CACNA1E: variants seen among roughly 807,000 people sequenced by gnomAD.
The protein encoded by CACNA1E is calcium voltage-gated channel subunit alpha1 E, also known as voltage-dependent R-type calcium channel subunit alpha-1E.
In CACNA1E, 40 loss-of-function variants were observed where a neutral mutation model predicts 259.2. That is an observed-to-expected ratio of 0.15 (90% CI 0.12 to 0.20). CACNA1E has a LOEUF of 0.20. Ranked by LOEUF, CACNA1E falls within the 10% of genes least tolerant of loss-of-function variation. The pLI, the probability that CACNA1E is intolerant of heterozygous loss-of-function variation, is 1.00. For missense variants in CACNA1E, 1,874 were observed against 3,040.1 expected (o/e 0.62, Z 9.02); for synonymous variants, 1,104 against 1,138.5 (o/e 0.97, Z 0.61).
chr1:181,487,873 C>T (rs918735714), intron 1 of CACNA1E, among the ~76,000 whole-genome samples: 27 of 152,200 alleles, frequency 1.8e-4, no homozygotes, highest in South Asian at 2.1e-4. Flanking sequence ...ATATTCCCCC[C>T]ACACCTCCAT....
intron 1 of CACNA1E, among the ~76,000 whole-genome samples, chr1:181,319,009 C>CT: frequency 6.6e-6 from 1 of 152,324 alleles, no homozygotes; most frequent in Admixed American, 6.5e-5. Flanking sequence ...ATGGGAGACA[C>CT]TAACCCACCG....
rs756993182 is a variant in CACNA1E at position 181,794,918 on chromosome 1, C to T, written c.6082C>T (p.Arg2028Cys). 4 of 1,613,864 alleles carry T rather than the reference C, an allele frequency of 2.5e-6. No individual in the cohort carries two copies. Among genetic ancestry groups the T allele is most frequent in the Middle Eastern group, 1.6e-4 (1 of 6,062 alleles). The stretch of plus-strand genomic sequence containing the variant: ...TTCATTTTCCACTATTCGGGATAAG[C>T]GTTCAAATTCCTCGTGGTTGGAGGA... Reference protein sequence around the residue: ...RRSFSTIRDKRSNSSWLEEFS... With the variant: ...RRSFSTIRDKCSNSSWLEEFS... Residue 2028 changes from arginine to cysteine, a missense_variant, in exon 46 of 48, where the codon CGT (arginine) becomes TGT (cysteine). Arg to Cys is a radical substitution (Grantham distance 180). Transcript: ENST00000367573.
In CACNA1E at chr1:181,423,662, A is replaced by T. The variant is rs903467902; in HGVS notation, c.434+10082A>T. On this transcript the variant is annotated intron_variant, in intron 2 of 11. Coordinates refer to the CACNA1E transcript ENST00000524607. ...GGTGAATTTAAGGGCCATTGGGCCA[A>T]TTTTTTTTTTTTTTTTGCTGGCCTT... Among the ~76,000 whole-genome samples the T allele has an allele frequency of 9.9e-5, 13 of 131,060 alleles. No individual in the cohort carries two copies. The East Asian group carries it at 1.5e-3, about 15-fold the overall frequency. 86.0% of individuals were successfully genotyped at this position (131,060 alleles called of 152,430 possible). A position where few individuals can be genotyped will look rare whatever the true frequency, so the allele number is the denominator to read the frequency against.
chr1:181,368,383 T>G (rs1654440482), intron 1 of CACNA1E, among the ~76,000 whole-genome samples: 2 of 152,010 alleles, frequency 1.3e-5, no homozygotes. Flanking sequence ...AGAGAACCTA[T>G]GTACAAATCT....
intron 3 of CACNA1E, among the ~76,000 whole-genome samples, chr1:181,537,637 G>A (rs1264590425): frequency 1.3e-5 from 2 of 152,188 alleles, no homozygotes; most frequent in Non-Finnish European, 2.9e-5. Flanking sequence ...CTGAGTCTCA[G>A]TTACTTCACA....
intron 1 of CACNA1E, among the ~76,000 whole-genome samples, chr1:181,323,164 G>A (rs375024091): frequency 6.6e-6 from 1 of 152,184 alleles, no homozygotes; most frequent in African/African-American, 2.4e-5. Context: ...GCCTTTTGGG[G>A]TTCCTTCCCC....
At chr1:181,605,726 A>G (rs1245631338) in intron 6 of CACNA1E, among the ~76,000 whole-genome samples, 1 of 152,108 alleles carries the variant, frequency 6.6e-6, no homozygotes, top group Non-Finnish European at 1.5e-5. Flanking sequence ...GTCCTGGGCT[A>G]TTTTGGGTGG....
rs1407654167 is a variant in CACNA1E, at chr1:181,756,140, CT to C, written c.4127+48del. The C allele has an allele frequency of 1.9e-6, 3 of 1,555,566 alleles. No individual in the cohort carries two copies. The Admixed American group carries it at 5.6e-5, about 29-fold the overall frequency. ...CTTGTCTGTGGCTGTGATAGGACCCCTGGTTGCCTTGAGAAGCTGACTCAAG... is the reference window on the plus strand; with the variant it reads ...CTTGTCTGTGGCTGTGATAGGACCCCGGTTGCCTTGAGAAGCTGACTCAAG... On this transcript the variant is annotated intron_variant, in intron 29 of 47. Transcript: ENST00000367573.
intron 1 of CACNA1E, among the ~76,000 whole-genome samples, chr1:181,405,168 A>C (rs1175092098): frequency 1.3e-5 from 2 of 152,208 alleles, no homozygotes; most frequent in African/African-American, 4.8e-5. Flanking sequence ...TTAAAAGACA[A>C]TCACCTCCAA....
chr1:181,624,572 A>G (rs1286312639), intron 6 of CACNA1E, among the ~76,000 whole-genome samples: 3 of 152,216 alleles, frequency 2.0e-5, no homozygotes, highest in Admixed American at 2.0e-4. Context: ...CTCATCAATG[A>G]AAATTTTATC....
chr1:181,660,954 G>C (rs146945226), intron 7 of CACNA1E, among the ~76,000 whole-genome samples: 65 of 152,340 alleles, frequency 4.3e-4, no homozygotes, highest in African/African-American at 1.5e-3. Context: ...CAAGGACAGA[G>C]AGCTGCTACC....
chr1:181,532,923 A>T (rs1414300608), intron 3 of CACNA1E, among the ~76,000 whole-genome samples: 1 of 152,230 alleles, frequency 6.6e-6, no homozygotes, highest in Non-Finnish European at 1.5e-5. Context: ...TTTGAAGACT[A>T]TTATTACATA....
chr1:181,709,907 G>C (rs946079532), intron 7 of CACNA1E, among the ~76,000 whole-genome samples: 4 of 152,196 alleles, frequency 2.6e-5, no homozygotes, highest in African/African-American at 9.6e-5. Flanking sequence ...TAGCCTGGAA[G>C]GGTGTTTGGT....
chr1:181,719,668 C>T, intron 12 of CACNA1E, 83 bp from the exon 13 acceptor site: 1 of 639,190 alleles, frequency 1.6e-6, no homozygotes, highest in Non-Finnish European at 2.7e-6. Context: ...CCACTGAGAG[C>T]TGTTGATGGT....
chr1:181,628,705 G>A (rs1231152839), intron 6 of CACNA1E, among the ~76,000 whole-genome samples: 3 of 152,116 alleles, frequency 2.0e-5, no homozygotes, highest in East Asian at 1.9e-4. Flanking sequence ...AAGTGTAGGC[G>A]GGCCTTTCTT....
intron 43 of CACNA1E, among the ~76,000 whole-genome samples, chr1:181,787,461 T>C (rs1238926873): frequency 6.6e-6 from 1 of 152,224 alleles, no homozygotes; most frequent in East Asian, 1.9e-4. Flanking sequence ...GCAATCTCTG[T>C]TTATCTACAA....
At chr1:181,600,604 T>A (rs1022067014) in intron 6 of CACNA1E, among the ~76,000 whole-genome samples, 4 of 152,040 alleles carry the variant, frequency 2.6e-5, no homozygotes, top group Non-Finnish European at 5.9e-5. Context: ...CAAGGAGGGC[T>A]CTTCAGCTAC....
intron 44 of CACNA1E, among the ~76,000 whole-genome samples, chr1:181,791,624 A>G (rs1249285206): frequency 1.3e-5 from 2 of 152,206 alleles, no homozygotes; most frequent in African/African-American, 4.8e-5. Flanking sequence ...CTAGTTCAGG[A>G]GCCATGAGCT....
Position 181,555,923 on chromosome 1 carries a change from A to G in CACNA1E, c.513-21843A>G, listed in dbSNP as rs1648670443. Among the ~76,000 whole-genome samples the G allele has an allele frequency of 2.0e-5, 3 of 152,312 alleles. No individual in the cohort carries two copies. In the South Asian group the frequency reaches 6.2e-4, roughly 32 times the overall value. On this transcript the variant is annotated intron_variant, in intron 3 of 47. Coordinates refer to ENST00000367573, the MANE Select transcript of CACNA1E (RefSeq NM_001205293.3). ...AGGAAGGCTAGAAAGAAGTTCAGAA[A>G]AGCTTCCCCCATCTTTATTCTTTAA...
Sources: gnomAD v4.1 joint callset for allele counts (sites outside exome capture counted in the v4.1 genomes callset) on GRCh38, gnomAD v4.1.1 for gene constraint, MANE v1.5 for transcripts, NCBI Gene and HGNC (gene_info 2026-07-23, HGNC 2026-07-21) for gene names.